Variants in GNGT2 observed in about 807,000 individuals in gnomAD.
GNGT2 encodes the protein guanine nucleotide-binding protein G(I)/G(S)/G(O) subunit gamma-T2.
Under a neutral mutation model 3.5 loss-of-function variants are expected in GNGT2, and 4 were observed. That is an observed-to-expected ratio of 1.13 (90% CI 0.56 to 2.59). The LOEUF (loss-of-function observed/expected upper bound fraction) is 2.59. Among genes scored for constraint, GNGT2 ranks in the 30% most tolerant of loss-of-function variants. The pLI, the probability that GNGT2 is intolerant of heterozygous loss-of-function variation, is 0.02. For synonymous variants in GNGT2, 31 were observed against 29.5 expected, an observed-to-expected ratio of 1.05 and a Z score of -0.17; for missense variants, 64 against 81.2, an observed-to-expected ratio of 0.79 and a Z score of 0.82.
In GNGT2 at chr17:49,206,949, CAG is replaced by C. The variant is rs2043112211; in HGVS notation, c.85-69_85-68del. On this transcript the variant is annotated intron_variant, in intron 3 of 3. Transcript: ENST00000507680. ...TCTGGGTCCATGATTTGGTCAGTGC[CAG>C]AAAAACAGGCTTCTGGGCAGGGCAG... 4.5e-6 allele frequency: 7 copies of C among 1,553,834 alleles called. No homozygotes were observed. The South Asian group carries it at 7.8e-5, about 17-fold the overall frequency.
chr17:49,207,465 A>G (rs2043117464), intron 2 of GNGT2, 21 bp from the exon 3 acceptor site: 1 of 1,341,886 alleles, frequency 7.5e-7, no homozygotes, highest in Middle Eastern at 1.8e-4. Flanking sequence ...TTCAGCAGCC[A>G]GGATCATAAA....
rs2043110651 is a variant in GNGT2 at position 49,206,808 on chromosome 17, G to A, written c.159C>T (p.Ile53=). The change falls in exon 4 of 4, where the codon ATC becomes ATT. Residue 53 remains isoleucine (I), a synonymous_variant. Transcript: ENST00000507680. ...CCTTGAAGGGATTCTTGTCCTCAGGGATGCCTTTGAGAAAAGGATCGTTTC... is the reference window on the plus strand; with the variant it reads ...CCTTGAAGGGATTCTTGTCCTCAGGAATGCCTTTGAGAAAAGGATCGTTTC... ...QAGNDPFLKG[I]PEDKNPFKEK... is the part of the protein sequence containing the mutation. 1 of 1,613,546 alleles carries A rather than the reference G, an allele frequency of 6.2e-7. No homozygotes were observed. Among genetic ancestry groups the A allele is most frequent in the African/African-American group, 1.3e-5 (1 of 74,878 alleles).
chr17:49,206,984 G>A, intron 3 of GNGT2, 102 bp from the exon 4 acceptor site: 1 of 1,228,266 alleles, frequency 8.1e-7, no homozygotes, highest in Non-Finnish European at 1.2e-6. Flanking sequence ...CAGAGACAGG[G>A]GCCAAAGAGG....
At chr17:49,208,670 A>G in intron 2 of GNGT2, among the ~76,000 whole-genome samples, 175 bp downstream of exon 2, 1 of 152,140 alleles carries the variant, frequency 6.6e-6, no homozygotes, top group Non-Finnish European at 1.5e-5. Context: ...AATGTCTATA[A>G]AATATTATAA....
Position 49,207,463 on chromosome 17 carries a change from C to T in GNGT2, c.-22-19G>A, listed in dbSNP as rs766967160. On this transcript the variant is annotated intron_variant, in intron 2 of 3. Coordinates refer to ENST00000507680, the MANE Select transcript of GNGT2 (RefSeq NM_001198754.2). Reference sequence around the variant, plus strand: ...CCTGATCCTGGAAAGGATTCAGCAGCCAGGATCATAAATCTCATCAGCTCT... The same window carrying T: ...CCTGATCCTGGAAAGGATTCAGCAGTCAGGATCATAAATCTCATCAGCTCT... 1.5e-6 allele frequency: 2 copies of T among 1,366,086 alleles called. No individual in the cohort carries two copies. Among genetic ancestry groups the T allele is most frequent in the Non-Finnish European group, 2.1e-6 (2 of 954,226 alleles). 84.6% of individuals were successfully genotyped at this position (1,366,086 alleles called of 1,614,324 possible).
chr17:49,207,518 C>T, intron 2 of GNGT2, 74 bp from the exon 3 acceptor site: 2 of 815,866 alleles, frequency 2.5e-6, no homozygotes, highest in Admixed American at 3.5e-5. Flanking sequence ...CGACTTCTAG[C>T]ATCTTCCCTG....
rs140527653 is a variant in GNGT2 at position 49,210,475 on chromosome 17, CTGGGCCCCCAAA to C, written c.-176_-165del. 4,041 of 411,676 alleles carry C rather than the reference CTGGGCCCCCAAA, an allele frequency of 9.8e-3. 162 individuals are homozygous for C. The highest frequency in any genetic ancestry group is 0.074 in the African/African-American group (3,682 of 49,790). The allele number at this position is 411,676 out of a possible 1,614,324, so 25.5% of individuals were successfully genotyped here. A position where few individuals can be genotyped will look rare whatever the true frequency, so the allele number is the denominator to read the frequency against. ...TTCCTCTGCTGGGTGGGATTGGGGGCTGGGCCCCCAAATGGGCCCCTGGCTTCCCCCTTCCTC... is the reference window on the plus strand; with the variant it reads ...TTCCTCTGCTGGGTGGGATTGGGGGCTGGGCCCCTGGCTTCCCCCTTCCTC... On this transcript the variant is annotated 5_prime_UTR_variant, in exon 1 of 4. Coordinates refer to ENST00000507680, the MANE Select transcript of GNGT2 (RefSeq NM_001198754.2). This position sits in a 1 kb window ranked among gnomAD's most constrained non-coding sequence, Gnocchi z 4.2.
rs1242165553 is a variant in GNGT2 at position 49,210,498 on chromosome 17, G to T, written c.-187C>A. Reference sequence around the variant, plus strand: ...GGCTGGGCCCCCAAATGGGCCCCTGGCTTCCCCCTTCCTCTGGGCAGGGGA... The same window carrying T: ...GGCTGGGCCCCCAAATGGGCCCCTGTCTTCCCCCTTCCTCTGGGCAGGGGA... On this transcript the variant is annotated 5_prime_UTR_variant, in exon 1 of 4. Transcript: ENST00000507680. The surrounding 1 kb of genome is among the most constrained non-coding windows in gnomAD (Gnocchi z 4.2). The T allele has an allele frequency of 4.6e-6, 2 of 431,390 alleles. No individual in the cohort carries two copies. Among genetic ancestry groups the T allele is most frequent in the Non-Finnish European group, 8.3e-6 (2 of 240,734 alleles). The allele number at this position is 431,390 out of a possible 1,614,324, so 26.7% of individuals were successfully genotyped here.
intron 2 of GNGT2, among the ~76,000 whole-genome samples, 159 bp from the exon 3 acceptor site, chr17:49,207,603 A>G (rs1290354752): frequency 1.3e-5 from 2 of 152,084 alleles, no homozygotes; most frequent in Non-Finnish European, 2.9e-5. Context: ...CTTCTTCAAG[A>G]GTCTGGGCTC....
At position 49,206,662 on chromosome 17, in the gene GNGT2, T is replaced by C; in HGVS notation, c.*95A>G. 2 of 1,123,496 alleles carry C rather than the reference T, an allele frequency of 1.8e-6. No homozygotes were observed. The highest frequency in any genetic ancestry group is 4.8e-5 in the East Asian group (2 of 41,756). The allele number at this position is 1,123,496 out of a possible 1,614,324, so 69.6% of individuals were successfully genotyped here. A position where few individuals can be genotyped will look rare whatever the true frequency, so the allele number is the denominator to read the frequency against. On this transcript the variant is annotated 3_prime_UTR_variant, in exon 4 of 4. Coordinates refer to ENST00000507680, the MANE Select transcript of GNGT2 (RefSeq NM_001198754.2). Reference sequence around the variant, plus strand: ...TCAGGGATCTTTACTCATTCTGTGATGAAGAGAAGGTGACAGTTCACTGGC... The same window carrying C: ...TCAGGGATCTTTACTCATTCTGTGACGAAGAGAAGGTGACAGTTCACTGGC...
In GNGT2 at chr17:49,206,510, C is replaced by A; in HGVS notation, c.*247G>T. On this transcript the variant is annotated 3_prime_UTR_variant, in exon 4 of 4. Transcript: ENST00000507680. ...CACACCCCACCACCCATGGGGCCAA[C>A]CGCTCGGCCAGCCACACTGTCCTCA... The A allele has an allele frequency of 2.1e-6, 1 of 466,306 alleles. No homozygotes were observed. Among genetic ancestry groups the A allele is most frequent in the Non-Finnish European group, 3.8e-6 (1 of 265,818 alleles). 28.9% of individuals were successfully genotyped at this position (466,306 alleles called of 1,614,324 possible).
intron 2 of GNGT2, among the ~76,000 whole-genome samples, chr17:49,208,440 G>A (rs554628544): frequency 6.7e-6 from 1 of 150,286 alleles, no homozygotes; most frequent in Non-Finnish European, 1.5e-5. Context: ...CAGCTTAGGC[G>A]ACAAGAGTGA....
At chr17:49,208,470 A>AG (rs2043126006) in intron 2 of GNGT2, among the ~76,000 whole-genome samples, 1 of 151,662 alleles carries the variant, frequency 6.6e-6, no homozygotes, top group African/African-American at 2.4e-5. Context: ...TCAAAAAAAA[A>AG]AAAAAGAGAG....
rs142716758 is a variant in GNGT2, at chr17:49,209,876, A to G, written c.-133+568T>C. The stretch of plus-strand genomic sequence containing the variant: ...CCTGTTAATGCGTGAACCACAGCCC[A>G]TACCTCCTAGGCAGGCTCAGTGCTC... On this transcript the variant is annotated intron_variant, in intron 1 of 3. Coordinates refer to ENST00000507680, the MANE Select transcript of GNGT2 (RefSeq NM_001198754.2). Among the ~76,000 whole-genome samples, 148 of 152,298 alleles carry G rather than the reference A, an allele frequency of 9.7e-4. 1 individual carries two copies. The highest frequency in any genetic ancestry group is 3.4e-3 in the African/African-American group (143 of 41,552).
chr17:49,207,256 A>G (rs762559453), intron 3 of GNGT2, 83 bp downstream of exon 3: 1 of 1,016,772 alleles, frequency 9.8e-7, no homozygotes, highest in Non-Finnish European at 1.6e-6. Context: ...GAACAGTCCC[A>G]CCACCCTTTC....
intron 1 of GNGT2, among the ~76,000 whole-genome samples, chr17:49,209,966 C>G (rs1050939078): frequency 4.6e-5 from 7 of 152,152 alleles, no homozygotes; most frequent in African/African-American, 1.7e-4. Context: ...TTCTCAAATC[C>G]AAGTCCTTCC....
intron 1 of GNGT2, among the ~76,000 whole-genome samples, chr17:49,209,829 G>A (rs1461031207): frequency 6.6e-6 from 1 of 152,146 alleles, no homozygotes; most frequent in Non-Finnish European, 1.5e-5. Context: ...ACAGGATCCT[G>A]GAGGTTGTCT....
Position 49,206,511 on chromosome 17 carries a change from C to T in GNGT2, c.*246G>A, listed in dbSNP as rs771436509. On this transcript the variant is annotated 3_prime_UTR_variant, in exon 4 of 4. Coordinates refer to ENST00000507680, the MANE Select transcript of GNGT2 (RefSeq NM_001198754.2). The stretch of plus-strand genomic sequence containing the variant: ...ACACCCCACCACCCATGGGGCCAAC[C>T]GCTCGGCCAGCCACACTGTCCTCAG... 2.2e-4 allele frequency: 101 copies of T among 466,396 alleles called. 1 individual carries two copies. The highest frequency in any genetic ancestry group is 1.5e-4 in the Non-Finnish European group (40 of 266,082). The allele number at this position is 466,396 out of a possible 1,614,324, so 28.9% of individuals were successfully genotyped here. A position where few individuals can be genotyped will look rare whatever the true frequency, so the allele number is the denominator to read the frequency against.
In GNGT2 at chr17:49,206,632, T is replaced by G; in HGVS notation, c.*125A>C. On this transcript the variant is annotated 3_prime_UTR_variant, in exon 4 of 4. Coordinates refer to ENST00000507680, the MANE Select transcript of GNGT2 (RefSeq NM_001198754.2). ...GAGTGGGGAATGGGTTCACAATGCA[T>G]TTGTTCAGGGATCTTTACTCATTCT... 1.2e-6 allele frequency: 1 copy of G among 860,580 alleles called. No homozygotes were observed. Among genetic ancestry groups the G allele is most frequent in the Non-Finnish European group, 1.8e-6 (1 of 548,236 alleles). 53.3% of individuals were successfully genotyped at this position (860,580 alleles called of 1,614,324 possible).
Sources: gnomAD v4.1 joint callset for allele counts (sites outside exome capture counted in the v4.1 genomes callset) on GRCh38, gnomAD v4.1.1 for gene constraint, Gnocchi (gnomAD v3.1) non-coding constraint, MANE v1.5 for transcripts, NCBI Gene and HGNC (gene_info 2026-07-23, HGNC 2026-07-21) for gene names.